ARHGAP8: variants seen among roughly 807,000 people sequenced by gnomAD.
The protein encoded by ARHGAP8 is Rho GTPase activating protein 8, also known as rho GTPase-activating protein 8.
A neutral mutation model predicts 46.1 loss-of-function variants in ARHGAP8; 62 were observed. That is an observed-to-expected ratio of 1.34 (90% CI 1.10 to 1.66). The LOEUF is 1.66. Ranked by LOEUF, ARHGAP8 falls within the 40% of genes most tolerant of loss-of-function variation. The pLI is 0.00. For missense variants in ARHGAP8, 923 were observed against 568.4 expected (o/e 1.62, Z -6.34); for synonymous variants, 375 against 243.1 (o/e 1.54, Z -5.05).
intron 1 of ARHGAP8, among the ~76,000 whole-genome samples, chr22:44,759,561 C>G (rs890196828): frequency 1.3e-5 from 2 of 152,188 alleles, no homozygotes; most frequent in Non-Finnish European, 2.9e-5. Flanking sequence ...TCTCTGTGGG[C>G]TGCTGGGTCT....
chr22:44,755,920 G>A (rs1924634197), intron 1 of ARHGAP8, among the ~76,000 whole-genome samples: 1 of 152,060 alleles, frequency 6.6e-6, no homozygotes, highest in South Asian at 2.1e-4. Context: ...TGCAAAATAG[G>A]GGCCATGTCA....
intron 10 of ARHGAP8, 126 bp from the exon 11 acceptor site, chr22:44,859,605 A>T (rs555013098): frequency 1.2e-5 from 12 of 1,030,718 alleles, no homozygotes; most frequent in South Asian, 2.8e-5. Flanking sequence ...GGGGGTCCCA[A>T]GCCCAAATGT....
rs779081933 is a variant in ARHGAP8 at position 44,849,092 on chromosome 22, G to C, written c.877+32G>C. On this transcript the variant is annotated intron_variant, in intron 10 of 11. Transcript: ENST00000356099. The stretch of plus-strand genomic sequence containing the variant: ...AGCTGCCCTGGCGCAGGGGTGGGGG[G>C]CTTGGTCCTCAGATGCTGTCCCCCA... 1.9e-6 allele frequency: 3 copies of C among 1,611,956 alleles called. No individual in the cohort carries two copies. The South Asian group carries it at 3.3e-5, about 18-fold the overall frequency.
intron 10 of ARHGAP8, among the ~76,000 whole-genome samples, chr22:44,859,404 T>G (rs2070353784): frequency 6.6e-6 from 1 of 152,198 alleles, no homozygotes; most frequent in South Asian, 2.1e-4. Flanking sequence ...ACCTCCTTCC[T>G]TTTTGCCTTC....
At chr22:44,849,138 C>T (rs1193486434) in intron 10 of ARHGAP8, 78 bp downstream of exon 10, 3 of 1,595,428 alleles carry the variant, frequency 1.9e-6, no homozygotes, top group East Asian at 2.2e-5. Flanking sequence ...CAGGGTCAGG[C>T]TCTGGGGTGG....
intron 2 of ARHGAP8, among the ~76,000 whole-genome samples, chr22:44,795,929 C>T (rs1353791270): frequency 6.6e-6 from 1 of 152,196 alleles, no homozygotes; most frequent in Non-Finnish European, 1.5e-5. Flanking sequence ...TGTCCTCTCC[C>T]CTGTAAGTGG....
intron 1 of ARHGAP8, among the ~76,000 whole-genome samples, chr22:44,761,728 T>C (rs132453): frequency 0.91 from 139,147 of 152,228 alleles, 63,721 homozygotes; most frequent in South Asian, 0.97. Context: ...ATTTTTACGC[T>C]GCTGATAAAG....
chr22:44,860,444 G>A (rs112470882), intron 11 of ARHGAP8, among the ~76,000 whole-genome samples: 5 of 151,954 alleles, frequency 3.3e-5, no homozygotes, highest in African/African-American at 4.8e-5. Flanking sequence ...CTGTGTGTGT[G>A]TCTAATCTCC....
At chr22:44,764,497 C>T (rs1229491195) in intron 1 of ARHGAP8, among the ~76,000 whole-genome samples, 3 of 152,126 alleles carry the variant, frequency 2.0e-5, no homozygotes, top group Non-Finnish European at 2.9e-5. Context: ...TTCCTGCTCA[C>T]GTTCCTTCAT....
chr22:44,767,616 A>G (rs540243029), intron 1 of ARHGAP8, among the ~76,000 whole-genome samples: 4 of 152,112 alleles, frequency 2.6e-5, no homozygotes, highest in Non-Finnish European at 4.4e-5. Context: ...GTGTCTCTTT[A>G]GCTTCTTTCC....
chr22:44,813,374 CATACCCACCTACA>C, intron 4 of ARHGAP8, among the ~76,000 whole-genome samples: 1 of 147,510 alleles, frequency 6.8e-6, no homozygotes, highest in African/African-American at 2.6e-5. Flanking sequence ...TACATACACA[CATACCCACCTACA>C]GTACATACAC....
chr22:44,860,802 C>G (rs931082123), intron 11 of ARHGAP8, among the ~76,000 whole-genome samples: 4 of 152,198 alleles, frequency 2.6e-5, no homozygotes, highest in Admixed American at 2.0e-4. Context: ...CCCCAACCCC[C>G]AGACCCACGG....
At position 44,847,247 on chromosome 22, in the gene ARHGAP8, C is replaced by G. The variant is rs1193286684; in HGVS notation, c.671-726C>G. Among the ~76,000 whole-genome samples, 3 of 152,332 alleles carry G rather than the reference C, an allele frequency of 2.0e-5. No homozygotes were observed. In the South Asian group the frequency reaches 6.2e-4, roughly 32 times the overall value. The stretch of plus-strand genomic sequence containing the variant: ...CCAGAGGGAGCCCTTCCCTCTACCC[C>G]ACAGCTGCTTTCATGAGCCAATTAC... On this transcript the variant is annotated intron_variant, in intron 8 of 11. Transcript: ENST00000356099.
At chr22:44,760,895 C>T (rs957837908) in intron 1 of ARHGAP8, among the ~76,000 whole-genome samples, 4 of 151,988 alleles carry the variant, frequency 2.6e-5, no homozygotes, top group Non-Finnish European at 5.9e-5. Flanking sequence ...GGGGGGGATC[C>T]GAGAGAAAGG....
At position 44,848,021 on chromosome 22, in the gene ARHGAP8, T is replaced by C; in HGVS notation, c.719T>C (p.Val240Ala). 6.2e-7 allele frequency: 1 copy of C among 1,607,660 alleles called. No individual in the cohort carries two copies. The highest frequency in any genetic ancestry group is 8.5e-7 in the Non-Finnish European group (1 of 1,179,934). ...LFRRSASVQT[V>A]REIQRLYNQG... ...CGGAGATCCGCCAGCGTGCAGACCG[T>C]CCGCGAGATCCAGAGGCTCTACAAC... Residue 240 changes from valine to alanine, a missense_variant, in exon 9 of 12, where the codon GTC becomes GCC. By Grantham distance (64) the Val-to-Ala change is moderately conservative. Coordinates refer to ENST00000356099, the MANE Select transcript of ARHGAP8 (RefSeq NM_181335.3).
chr22:44,802,231 C>T (rs1260100175), intron 3 of ARHGAP8, 67 bp downstream of exon 3: 1 of 1,580,268 alleles, frequency 6.3e-7, no homozygotes, highest in Non-Finnish European at 8.6e-7. Context: ...TCCCTTCACC[C>T]CACCTCACTC....
intron 10 of ARHGAP8, 103 bp from the exon 11 acceptor site, chr22:44,859,628 C>T (rs917545067): frequency 1.5e-5 from 19 of 1,279,834 alleles, no homozygotes; most frequent in Non-Finnish European, 2.0e-5. Context: ...GATAGTCCAT[C>T]CTCAGAGCTG....
chr22:44,849,610 A>G (rs905790894), intron 10 of ARHGAP8: 3 of 153,064 alleles, frequency 2.0e-5, no homozygotes, highest in Non-Finnish European at 2.9e-5. Context: ...AATGCTAAGG[A>G]AAGTGATGCC....
At chr22:44,792,063 A>C (rs1347660858) in intron 2 of ARHGAP8, among the ~76,000 whole-genome samples, 2 of 150,096 alleles carry the variant, frequency 1.3e-5, no homozygotes, top group Non-Finnish European at 1.5e-5. Context: ...CCCAGGCTGG[A>C]GTGCAGTGGT....
Sources: allele counts gnomAD v4.1 joint callset (sites outside exome capture counted in the v4.1 genomes callset), GRCh38; gene constraint gnomAD v4.1.1; transcripts MANE v1.5; gene names NCBI Gene and HGNC (gene_info 2026-07-23, HGNC 2026-07-21).